LINGO2: variants seen among roughly 807,000 people sequenced by gnomAD.
The protein encoded by LINGO2 is leucine-rich repeat and immunoglobulin-like domain-containing nogo receptor-interacting protein 2.
Under a neutral mutation model 30.6 loss-of-function variants are expected in LINGO2, and 14 were observed. The observed-to-expected ratio is 0.46, with a 90% CI of 0.30 to 0.72. The LOEUF (loss-of-function observed/expected upper bound fraction) is 0.72, where lower values mean the gene tolerates loss of function less well. Ranked by LOEUF, LINGO2 falls within the 30% of genes least tolerant of loss-of-function variation. LINGO2 has a pLI of 0.07. For synonymous variants in LINGO2, 317 were observed against 288.5 expected (o/e 1.10, Z -1.00); for missense variants, 729 against 751.7 (o/e 0.97, Z 0.35).
chr9:28,132,089 G>C (rs2133448237), intron 4 of LINGO2, among the ~76,000 whole-genome samples: 1 of 152,248 alleles, frequency 6.6e-6, no homozygotes, highest in South Asian at 2.1e-4. Context: ...GTGCCAAAAA[G>C]TTCAAAGCTA....
At chr9:28,859,799 C>T in the LINGO2 span, among the ~76,000 whole-genome samples, 6 of 151,652 alleles carry the variant, frequency 4.0e-5, no homozygotes, top group East Asian at 1.9e-4. Context: ...TATTTTGGTA[C>T]GTGCAGTACA....
chr9:28,815,010 T>C, the LINGO2 span, among the ~76,000 whole-genome samples: 3 of 152,110 alleles, frequency 2.0e-5, no homozygotes, highest in South Asian at 4.1e-4. Flanking sequence ...GAGAGCAGGA[T>C]CAAATAATAA....
chr9:28,078,008 G>A (rs1418575498), intron 4 of LINGO2, among the ~76,000 whole-genome samples: 1 of 149,214 alleles, frequency 6.7e-6, no homozygotes, highest in Admixed American at 6.6e-5. Context: ...ATGGTTAAGT[G>A]GTGGTTTAAC....
chr9:28,711,342 G>A, the LINGO2 span, among the ~76,000 whole-genome samples: 4 of 151,974 alleles, frequency 2.6e-5, no homozygotes, highest in South Asian at 8.3e-4. Context: ...TCAAAATTCA[G>A]TTTCCTCATC....
rs34520036 is a variant in LINGO2, at chr9:28,329,951, AT to A, written c.-245-34586del. Among the ~76,000 whole-genome samples, 1 of 151,962 alleles carries A rather than the reference AT, an allele frequency of 6.6e-6. No individual in the cohort carries two copies. Among genetic ancestry groups the A allele is most frequent in the Non-Finnish European group, 1.5e-5 (1 of 67,970 alleles). The stretch of plus-strand genomic sequence containing the variant: ...TTTTATGTATTTATTTCAACACTTT[AT>A]TTTTTGAGCTTGCTATTTACTGAAT... On this transcript the variant is annotated intron_variant, in intron 3 of 5. Coordinates refer to ENST00000379992, the Ensembl canonical transcript of LINGO2. The surrounding 1 kb of genome is among the most constrained non-coding windows in gnomAD (Gnocchi z 4.5).
chr9:28,477,246 T>A (rs781317577), intron 1 of LINGO2, among the ~76,000 whole-genome samples: 2 of 152,206 alleles, frequency 1.3e-5, no homozygotes, highest in Admixed American at 1.3e-4. Flanking sequence ...TTGTTTACAC[T>A]GTATCATGAA....
At chr9:28,614,196 T>C (rs1826039640) in intron 1 of LINGO2, among the ~76,000 whole-genome samples, 1 of 152,098 alleles carries the variant, frequency 6.6e-6, no homozygotes, top group Non-Finnish European at 1.5e-5. Context: ...TCAGAACACA[T>C]TTTCTTTTTG....
intron 5 of LINGO2, among the ~76,000 whole-genome samples, chr9:27,972,300 G>T (rs985959598): frequency 5.3e-5 from 8 of 152,210 alleles, no homozygotes; most frequent in African/African-American, 1.9e-4. Context: ...ACTGCGTAAA[G>T]GAGTGAAAAA....
the LINGO2 span, among the ~76,000 whole-genome samples, chr9:29,199,609 T>C: frequency 1.3e-5 from 2 of 152,062 alleles, no homozygotes; most frequent in African/African-American, 2.4e-5. Flanking sequence ...CTTTTCCCAA[T>C]AGAGGTGGCC....
At chr9:28,628,452 T>C (rs1826786086) in intron 1 of LINGO2, among the ~76,000 whole-genome samples, 1 of 152,150 alleles carries the variant, frequency 6.6e-6, no homozygotes, top group African/African-American at 2.4e-5. Context: ...TTCTGTGCAC[T>C]ATGCCGGGTG....
At chr9:28,499,278 G>T (rs1012830173) in intron 1 of LINGO2, among the ~76,000 whole-genome samples, 1 of 152,188 alleles carries the variant, frequency 6.6e-6, no homozygotes, top group African/African-American at 2.4e-5. Flanking sequence ...GAATTAGGAA[G>T]TAGAAAGACC....
At chr9:29,127,862 T>G in the LINGO2 span, among the ~76,000 whole-genome samples, 1 of 152,140 alleles carries the variant, frequency 6.6e-6, no homozygotes, top group Non-Finnish European at 1.5e-5. Context: ...TCAGGCGAAT[T>G]AAACCCTCTT....
chr9:28,489,896 C>CA (rs36068240), intron 1 of LINGO2, among the ~76,000 whole-genome samples: 14,791 of 65,828 alleles, frequency 0.22, 1,768 homozygotes, highest in East Asian at 0.31. Context: ...GACTTTGTCT[C>CA]AAAAAAAAAA....
At chr9:29,157,567 T>C in the LINGO2 span, among the ~76,000 whole-genome samples, 1 of 152,196 alleles carries the variant, frequency 6.6e-6, no homozygotes, top group East Asian at 1.9e-4. Context: ...AGACATTGCA[T>C]ATGGGAAAAC....
the LINGO2 span, among the ~76,000 whole-genome samples, chr9:29,030,716 A>T: frequency 6.6e-6 from 1 of 152,200 alleles, no homozygotes; most frequent in East Asian, 1.9e-4. Context: ...AAGTATCTAC[A>T]GGGTTTCCCA....
At chr9:28,306,371 T>C (rs925663379) in intron 3 of LINGO2, among the ~76,000 whole-genome samples, 2 of 152,130 alleles carry the variant, frequency 1.3e-5, no homozygotes, top group Non-Finnish European at 2.9e-5. Context: ...GGATGTTCTT[T>C]GAAACCTACG....
the LINGO2 span, among the ~76,000 whole-genome samples, chr9:29,166,415 G>C: frequency 5.3e-5 from 8 of 151,966 alleles, no homozygotes; most frequent in African/African-American, 1.9e-4. Context: ...AAACCATCTT[G>C]GACAGAACAC....
chr9:28,656,785 C>A (rs973929704), intron 1 of LINGO2, among the ~76,000 whole-genome samples: 1 of 152,058 alleles, frequency 6.6e-6, no homozygotes, highest in Non-Finnish European at 1.5e-5. Context: ...TTCCCCTATC[C>A]ATTAGTGTGA....
intron 3 of LINGO2, among the ~76,000 whole-genome samples, chr9:28,308,959 T>C (rs1344560453): frequency 1.3e-5 from 2 of 152,074 alleles, no homozygotes. Context: ...TGTGGAGAAA[T>C]AGGAACACTT....
Sources: gnomAD v4.1 joint callset for allele counts (sites outside exome capture counted in the v4.1 genomes callset) on GRCh38, gnomAD v4.1.1 for gene constraint, Gnocchi (gnomAD v3.1) non-coding constraint, MANE v1.5 for transcripts, NCBI Gene and HGNC (gene_info 2026-07-23, HGNC 2026-07-21) for gene names.